Variants in BRINP3 observed in about 807,000 individuals in gnomAD.
BRINP3 encodes the protein BMP/retinoic acid-inducible neural-specific protein 3.
Under a neutral mutation model 71.0 loss-of-function variants are expected in BRINP3, and 19 were observed. The ratio of observed to expected loss-of-function variants is 0.27; its 90% CI spans 0.19 to 0.39. The LOEUF (loss-of-function observed/expected upper bound fraction) is 0.39. Among genes scored for constraint, BRINP3 ranks in the 10% least tolerant of loss-of-function variants. BRINP3 has a pLI of 1.00. For synonymous variants in BRINP3, 380 were observed against 337.7 expected, an observed-to-expected ratio of 1.13 and a Z score of -1.37; for missense variants, 959 against 940.8, an observed-to-expected ratio of 1.02 and a Z score of -0.25.
intron 2 of BRINP3, among the ~76,000 whole-genome samples, chr1:190,319,380 A>AGTT (rs562961355): frequency 1.1e-4 from 16 of 152,154 alleles, no homozygotes; most frequent in African/African-American, 3.6e-4. Flanking sequence ...CTTATCCCAA[A>AGTT]GTTGTTGTTG....
chr1:190,207,033 T>A (rs1388295660), intron 6 of BRINP3, among the ~76,000 whole-genome samples: 2 of 150,592 alleles, frequency 1.3e-5, no homozygotes, highest in Non-Finnish European at 3.0e-5. Context: ...TAAAAAAAAA[T>A]TCAAAATAAG....
intron 7 of BRINP3, among the ~76,000 whole-genome samples, chr1:190,153,184 A>C (rs558458351): frequency 1.1e-4 from 17 of 152,252 alleles, no homozygotes; most frequent in African/African-American, 4.1e-4. Flanking sequence ...GTTGTCCTCA[A>C]AAAGCTAATC....
intron 2 of BRINP3, among the ~76,000 whole-genome samples, chr1:190,449,250 C>T (rs922224063): frequency 6.6e-6 from 1 of 151,958 alleles, no homozygotes; most frequent in Non-Finnish European, 1.5e-5. Context: ...TTATCACACC[C>T]TCCAAACTCC....
chr1:190,151,685 T>A (rs1379262684), intron 7 of BRINP3, among the ~76,000 whole-genome samples: 1 of 152,140 alleles, frequency 6.6e-6, no homozygotes, highest in African/African-American at 2.4e-5. Flanking sequence ...AAGGACATAG[T>A]GGTGTAATCT....
intron 4 of BRINP3, among the ~76,000 whole-genome samples, chr1:190,253,687 G>C (rs370885667): frequency 6.6e-6 from 1 of 152,168 alleles, no homozygotes; most frequent in South Asian, 2.1e-4. Flanking sequence ...CCCTTTGTCA[G>C]ATGGGTAGAT....
intron 2 of BRINP3, among the ~76,000 whole-genome samples, chr1:190,341,644 C>T (rs1035018326): frequency 7.9e-5 from 12 of 151,538 alleles, no homozygotes; most frequent in Non-Finnish European, 1.2e-4. Context: ...TTTTGACTGG[C>T]TTTACAAGAT....
intron 7 of BRINP3, among the ~76,000 whole-genome samples, chr1:190,160,406 C>G (rs1657244168): frequency 6.6e-6 from 1 of 151,378 alleles, no homozygotes; most frequent in Non-Finnish European, 1.5e-5. Flanking sequence ...GGCTACAACA[C>G]ATAATAAATT....
intron 2 of BRINP3, among the ~76,000 whole-genome samples, chr1:190,323,024 C>G (rs941368346): frequency 6.6e-6 from 1 of 151,952 alleles, no homozygotes; most frequent in Non-Finnish European, 1.5e-5. Context: ...AAGGTCTTAA[C>G]TGGGGTTGTA....
intron 7 of BRINP3, among the ~76,000 whole-genome samples, chr1:190,159,533 G>A (rs1457180449): frequency 3.3e-5 from 5 of 152,008 alleles, no homozygotes; most frequent in Non-Finnish European, 5.9e-5. Flanking sequence ...CTACAACATA[G>A]AAGAACCTGA....
intron 3 of BRINP3, among the ~76,000 whole-genome samples, chr1:190,274,844 AC>A (rs1035610048): frequency 1.3e-5 from 2 of 151,670 alleles, no homozygotes; most frequent in South Asian, 2.1e-4. Flanking sequence ...AAGAAAAAAA[AC>A]AATCTTAGAG....
At chr1:190,280,005 G>A (rs1434814666) in intron 3 of BRINP3, among the ~76,000 whole-genome samples, 1 of 151,832 alleles carries the variant, frequency 6.6e-6, no homozygotes, top group Admixed American at 6.6e-5. Context: ...GGATGAAGTG[G>A]TGACCAATAT....
chr1:190,428,492 C>T (rs1172120215), intron 2 of BRINP3, among the ~76,000 whole-genome samples: 2 of 151,998 alleles, frequency 1.3e-5, no homozygotes, highest in South Asian at 2.1e-4. Flanking sequence ...TTATTCTCTA[C>T]CTGTTGACAC....
At chr1:190,166,140 G>A (rs1274058816) in intron 6 of BRINP3, among the ~76,000 whole-genome samples, 1 of 152,140 alleles carries the variant, frequency 6.6e-6, no homozygotes, top group Non-Finnish European at 1.5e-5. Context: ...TGGGTATAGA[G>A]TTTATACGGA....
At chr1:190,355,537 G>A (rs187007795) in intron 2 of BRINP3, among the ~76,000 whole-genome samples, 5 of 151,826 alleles carry the variant, frequency 3.3e-5, no homozygotes, top group African/African-American at 9.6e-5. Flanking sequence ...CTATAAACCT[G>A]TTTCCCCGAA....
At chr1:190,238,187 T>C (rs977170507) in intron 4 of BRINP3, among the ~76,000 whole-genome samples, 1 of 152,066 alleles carries the variant, frequency 6.6e-6, no homozygotes, top group Non-Finnish European at 1.5e-5. Flanking sequence ...TATTTTTTAA[T>C]CATTCAAAAA....
chr1:190,398,943 C>T (rs1176553061), intron 2 of BRINP3, among the ~76,000 whole-genome samples: 1 of 152,022 alleles, frequency 6.6e-6, no homozygotes, highest in Non-Finnish European at 1.5e-5. Flanking sequence ...CTGAGATACC[C>T]GTCTTCCATT....
intron 7 of BRINP3, among the ~76,000 whole-genome samples, chr1:190,131,445 A>C (rs1029765448): frequency 6.6e-6 from 1 of 151,994 alleles, no homozygotes; most frequent in African/African-American, 2.4e-5. Context: ...GTCAATGTAG[A>C]TTCCAGGTTA....
At chr1:190,449,256 A>C (rs1404643265) in intron 2 of BRINP3, among the ~76,000 whole-genome samples, 1 of 151,142 alleles carries the variant, frequency 6.6e-6, no homozygotes, top group Non-Finnish European at 1.5e-5. Flanking sequence ...CACCCTCCAA[A>C]CTCCTTTTTA....
intron 3 of BRINP3, among the ~76,000 whole-genome samples, chr1:190,278,901 C>T (rs1028485545): frequency 6.6e-6 from 1 of 150,930 alleles, no homozygotes; most frequent in African/African-American, 2.4e-5. Flanking sequence ...ATCTTAAGGC[C>T]AAAATGTGGC....
Sources: gnomAD v4.1 joint callset for allele counts (sites outside exome capture counted in the v4.1 genomes callset) on GRCh38, gnomAD v4.1.1 for gene constraint, MANE v1.5 for transcripts, NCBI Gene and HGNC (gene_info 2026-07-23, HGNC 2026-07-21) for gene names.